Variants in CELF4 observed in about 807,000 individuals in gnomAD.
The protein encoded by CELF4 is CUG-BP- and ETR-3-like factor 4.
A neutral mutation model predicts 59.9 loss-of-function variants in CELF4; 18 were observed. The ratio of observed to expected loss-of-function variants is 0.30; its 90% CI spans 0.21 to 0.45. CELF4 has a LOEUF of 0.45. Ranked by LOEUF, CELF4 falls within the 20% of genes least tolerant of loss-of-function variation. CELF4 has a pLI of 1.00. For missense variants in CELF4, 456 were observed against 689.0 expected, an observed-to-expected ratio of 0.66 and a Z score of 3.79; for synonymous variants, 261 against 267.1, an observed-to-expected ratio of 0.98 and a Z score of 0.22.
intron 2 of CELF4, among the ~76,000 whole-genome samples, chr18:37,394,254 G>T (rs1033570065): frequency 1.3e-5 from 2 of 152,218 alleles, no homozygotes; most frequent in Non-Finnish European, 2.9e-5. Context: ...CGGAGGGCGC[G>T]GGCAGCGCAG....
rs1466806187 is a variant in CELF4, at chr18:37,244,770, A to AG, written c.*471dup. ...AAAGGAATGACAGATAGAGATGCTCAGTGGCGGCCTCTCAGCCGCCCCTTG... is the reference window on the plus strand; with the variant it reads ...AAAGGAATGACAGATAGAGATGCTCAGGTGGCGGCCTCTCAGCCGCCCCTTG... On this transcript the variant is annotated 3_prime_UTR_variant, in exon 13 of 13. Transcript: ENST00000420428. The AG allele has an allele frequency of 6.6e-6, 1 of 152,572 alleles. No individual in the cohort carries two copies. The highest frequency in any genetic ancestry group is 1.9e-4 in the East Asian group (1 of 5,174). 9.5% of individuals were successfully genotyped at this position (152,572 alleles called of 1,614,324 possible).
intron 1 of CELF4, among the ~76,000 whole-genome samples, chr18:37,533,142 C>T (rs955516181): frequency 1.3e-5 from 2 of 152,246 alleles, no homozygotes; most frequent in South Asian, 2.1e-4. Context: ...CAGCCAGGCA[C>T]GTGGCTGCGG....
At chr18:37,565,311 C>G (rs775328424) in intron 1 of CELF4, 45 bp downstream of exon 1, 1 of 1,461,752 alleles carries the variant, frequency 6.8e-7, no homozygotes, top group East Asian at 2.5e-5. Flanking sequence ...GCCCGCCAGC[C>G]CGCTCCTGCT....
chr18:37,352,873 G>A (rs1321487089), intron 2 of CELF4, among the ~76,000 whole-genome samples: 1 of 152,108 alleles, frequency 6.6e-6, no homozygotes, highest in East Asian at 1.9e-4. Context: ...AGTGGGACGG[G>A]GTGGAACAGC....
chr18:37,264,024 C>T (rs1177605612), intron 10 of CELF4, among the ~76,000 whole-genome samples: 2 of 152,170 alleles, frequency 1.3e-5, no homozygotes, highest in African/African-American at 4.8e-5. Context: ...CTGACCCTCT[C>T]AGCCTGGTTA....
chr18:37,456,490 G>T (rs572888381), intron 2 of CELF4, among the ~76,000 whole-genome samples: 4 of 152,134 alleles, frequency 2.6e-5, no homozygotes, highest in Non-Finnish European at 5.9e-5. Context: ...GTCTGACAGC[G>T]TGTAGTCCCA....
chr18:37,366,384 C>G (rs773932218), intron 2 of CELF4, among the ~76,000 whole-genome samples: 3 of 152,214 alleles, frequency 2.0e-5, no homozygotes, highest in African/African-American at 7.2e-5. Context: ...CTCATCTCCA[C>G]TTGCCAACTC....
intron 12 of CELF4, among the ~76,000 whole-genome samples, chr18:37,251,243 A>G (rs2065278196): frequency 6.6e-6 from 1 of 152,108 alleles, no homozygotes; most frequent in Admixed American, 6.5e-5. Flanking sequence ...CATGGTAAGC[A>G]CTGTGTGAAG....
At chr18:37,446,169 T>C (rs568097568) in intron 2 of CELF4, among the ~76,000 whole-genome samples, 160 of 152,134 alleles carry the variant, frequency 1.1e-3, no homozygotes, top group African/African-American at 3.7e-3. Flanking sequence ...TGTGTCCAGG[T>C]GGATTGTGCA....
chr18:37,320,614 TCTACTCGGGGGTCCTTCAC>T (rs2097077286), intron 3 of CELF4, among the ~76,000 whole-genome samples: 1 of 152,164 alleles, frequency 6.6e-6, no homozygotes, highest in Non-Finnish European at 1.5e-5. Context: ...GGACAGAGTC[TCTACTCGGGGGTCCTTCAC>T]CTGCTCGGAG....
intron 3 of CELF4, among the ~76,000 whole-genome samples, chr18:37,279,712 GC>G (rs2093878899): frequency 6.6e-6 from 1 of 152,338 alleles, no homozygotes; most frequent in African/African-American, 2.4e-5. Context: ...AGCAGGGCTG[GC>G]ACACTGTGGC....
At position 37,408,052 on chromosome 18, in the gene CELF4, G is replaced by A. The variant is rs551092838; in HGVS notation, c.369+77473C>T. Among the ~76,000 whole-genome samples, 127 of 152,258 alleles carry A rather than the reference G, an allele frequency of 8.3e-4. 1 individual carries two copies. The highest frequency in any genetic ancestry group is 2.6e-3 in the African/African-American group (108 of 41,556). On this transcript the variant is annotated intron_variant, in intron 2 of 12. Transcript: ENST00000420428. ...GCACAGAATACTAGTGAGGAGAAGC[G>A]GCTGGGATGCAGCTGGAAGGCAGAA...
intron 2 of CELF4, among the ~76,000 whole-genome samples, chr18:37,478,476 G>T (rs1046235139): frequency 6.6e-6 from 1 of 152,202 alleles, no homozygotes; most frequent in African/African-American, 2.4e-5. Flanking sequence ...TATGTCGTGG[G>T]GGCCACTGAG....
rs929974213 is a variant in CELF4 at position 37,565,756 on chromosome 18, C to A, written c.-115G>T. The A allele has an allele frequency of 3.3e-4, 258 of 789,652 alleles. No homozygotes were observed. The highest frequency in any genetic ancestry group is 4.5e-4 in the Non-Finnish European group (238 of 533,754). 48.9% of individuals were successfully genotyped at this position (789,652 alleles called of 1,614,324 possible). A position where few individuals can be genotyped will look rare whatever the true frequency, so the allele number is the denominator to read the frequency against. On this transcript the variant is annotated 5_prime_UTR_variant, in exon 1 of 13. Coordinates refer to ENST00000420428, the MANE Select transcript of CELF4 (RefSeq NM_020180.4). ...ACACACACTCGGGTTCTCTCCCCCT[C>A]GGTTTCTCTACACCTCGCTCTCCGC...
chr18:37,348,577 C>G (rs1327335067), intron 2 of CELF4, among the ~76,000 whole-genome samples: 1 of 152,064 alleles, frequency 6.6e-6, no homozygotes, highest in East Asian at 1.9e-4. Context: ...GGGACAGGAC[C>G]ATGGCCTTGA....
chr18:37,485,498 G>T (rs1486282469), intron 2 of CELF4, 27 bp downstream of exon 2: 4 of 1,313,786 alleles, frequency 3.0e-6, no homozygotes, highest in Admixed American at 3.0e-5. Context: ...CGCGTCGGCC[G>T]CTTGCGCCAC....
intron 10 of CELF4, among the ~76,000 whole-genome samples, chr18:37,260,139 C>T (rs75895440): frequency 0.01 from 1,591 of 152,296 alleles, 32 homozygotes; most frequent in African/African-American, 0.036. Context: ...TGCCAAAACA[C>T]GCACAGCTGG....
In CELF4 at chr18:37,323,885, C is replaced by A. The variant is rs117522103; in HGVS notation, c.370-2004G>T. Among the ~76,000 whole-genome samples the A allele has an allele frequency of 3.3e-3, 498 of 152,318 alleles. 2 individuals are homozygous for A. Among genetic ancestry groups the A allele is most frequent in the Non-Finnish European group, 5.2e-3 (351 of 68,044 alleles). On this transcript the variant is annotated intron_variant, in intron 2 of 12. Transcript: ENST00000420428. ...AGTAGGCACATGAGTGCTACCAACA[C>A]AACGGCCTTTAGCTTTGTCATATTT...
chr18:37,386,738 T>C (rs1473854764), intron 2 of CELF4, among the ~76,000 whole-genome samples: 1 of 152,210 alleles, frequency 6.6e-6, no homozygotes, highest in Non-Finnish European at 1.5e-5. Context: ...TTAACTGTTA[T>C]GGTCCTAAAT....
Sources: gnomAD v4.1 joint callset for allele counts (sites outside exome capture counted in the v4.1 genomes callset) on GRCh38, gnomAD v4.1.1 for gene constraint, MANE v1.5 for transcripts, NCBI Gene and HGNC (gene_info 2026-07-23, HGNC 2026-07-21) for gene names.